TMEM120B: variants seen among roughly 807,000 people sequenced by gnomAD.
The protein encoded by TMEM120B is transmembrane protein 120B.
A neutral mutation model predicts 55.5 loss-of-function variants in TMEM120B; 31 were observed. The ratio of observed to expected loss-of-function variants is 0.56; its 90% CI spans 0.42 to 0.75. The LOEUF (loss-of-function observed/expected upper bound fraction) is 0.75, where lower values mean the gene tolerates loss of function less well. Ranked by LOEUF, TMEM120B falls within the 30% of genes least tolerant of loss-of-function variation. TMEM120B has a pLI of 0.00. For missense variants in TMEM120B, 399 were observed against 425.5 expected, an observed-to-expected ratio of 0.94 and a Z score of 0.55; for synonymous variants, 203 against 176.3, an observed-to-expected ratio of 1.15 and a Z score of -1.20.
intron 1 of TMEM120B, among the ~76,000 whole-genome samples, chr12:121,718,503 C>G (rs1276428089): frequency 6.6e-6 from 1 of 152,050 alleles, no homozygotes; most frequent in Non-Finnish European, 1.5e-5. Flanking sequence ...GAGATCCTGT[C>G]TCAAAAATAA....
chr12:121,724,238 T>G (rs111590682), intron 1 of TMEM120B, among the ~76,000 whole-genome samples: 1 of 151,892 alleles, frequency 6.6e-6, no homozygotes, highest in South Asian at 2.1e-4. Flanking sequence ...GGTTTCACTA[T>G]GTTGGCCAGA....
At chr12:121,732,467 A>C (rs960462485) in intron 1 of TMEM120B, among the ~76,000 whole-genome samples, 1 of 152,150 alleles carries the variant, frequency 6.6e-6, no homozygotes, top group Non-Finnish European at 1.5e-5. Flanking sequence ...GGGGAGCAGG[A>C]ATGACCTCGT....
chr12:121,774,658 A>G lies in TMEM120B; in HGVS notation c.773A>G (p.Glu258Gly). 1 of 1,613,734 alleles carries G rather than the reference A, an allele frequency of 6.2e-7. No individual in the cohort carries two copies. The highest frequency in any genetic ancestry group is 8.5e-7 in the Non-Finnish European group (1 of 1,179,808). ...GERNHLDLTVEGFQSWMWRGL... is the reference protein window; with the variant it reads ...GERNHLDLTVGGFQSWMWRGL... ...CCTTTTTCTTCCCTCCTCTCCACAG[A>G]AGGGTTCCAGTCCTGGATGTGGCGG... Residue 258 changes from glutamate (E) to glycine (G), a missense_variant and splice_region_variant, in exon 10 of 12, where the codon GAA (glutamate) becomes GGA (glycine). By Grantham distance (98) the Glu-to-Gly change is moderately conservative (BLOSUM62 -2). This residue lies in a region of TMEM120B where 260 missense variants were observed against 303.9 expected (regional missense o/e 0.86). Coordinates refer to ENST00000449592, the MANE Select transcript of TMEM120B (RefSeq NM_001080825.2).
At position 121,727,755 on chromosome 12, in the gene TMEM120B, T is replaced by C. The variant is rs377356881; in HGVS notation, c.69+14791T>C. ...CAGGCGTGGTGGCAGGCGCCAGTAG[T>C]CCCAGCTACTCGGGAGGCTGAGGCA... On this transcript the variant is annotated intron_variant, in intron 1 of 11. Transcript: ENST00000449592. Among the ~76,000 whole-genome samples, 314 of 150,272 alleles carry C rather than the reference T, an allele frequency of 2.1e-3. 2 individuals are homozygous for C. Among genetic ancestry groups the C allele is most frequent in the East Asian group, 0.017 (84 of 4,970 alleles).
chr12:121,713,065 A>G, intron 1 of TMEM120B, 101 bp downstream of exon 1: 1 of 1,005,758 alleles, frequency 9.9e-7, no homozygotes, highest in Non-Finnish European at 1.4e-6. Flanking sequence ...GTCAGGGCCT[A>G]GGGAGTGCCC....
Position 121,775,248 on chromosome 12 carries a change from G to A in TMEM120B, c.906+118G>A, listed in dbSNP as rs769187737. On this transcript the variant is annotated intron_variant, in intron 11 of 11. Transcript: ENST00000449592. The surrounding 1 kb of genome is among the most constrained non-coding windows in gnomAD (Gnocchi z 4.3). ...CCTGGGGAGGGCTGGGATGGCAGAT[G>A]TGGGGGTGGGGTGTGTGCGTGTGTG... 8 of 1,099,022 alleles carry A rather than the reference G, an allele frequency of 7.3e-6. No individual in the cohort carries two copies. The highest frequency in any genetic ancestry group is 6.4e-5 in the Admixed American group (3 of 46,856). 68.1% of individuals were successfully genotyped at this position (1,099,022 alleles called of 1,614,324 possible).
At chr12:121,738,545 C>T (rs1182644585) in intron 1 of TMEM120B, among the ~76,000 whole-genome samples, 1 of 152,114 alleles carries the variant, frequency 6.6e-6, no homozygotes, top group Non-Finnish European at 1.5e-5. Flanking sequence ...CTCTGTCCTC[C>T]TTGTCTGGGT....
intron 7 of TMEM120B, among the ~76,000 whole-genome samples, chr12:121,771,217 G>T (rs1057156568): frequency 4.6e-5 from 7 of 152,196 alleles, no homozygotes; most frequent in Non-Finnish European, 1.0e-4. Flanking sequence ...AGGCTGGAGG[G>T]AGCGAGTGAG....
chr12:121,752,241 G>C lies in TMEM120B; in HGVS notation c.461+18G>C, dbSNP rs748408640. The stretch of plus-strand genomic sequence containing the variant: ...CACTACAGGTAGTGGGTGTGGCCGT[G>C]TGTGCCTGGGCCTGGGCATGCAGAC... On this transcript the variant is annotated intron_variant, in intron 5 of 11. Coordinates refer to ENST00000449592, the MANE Select transcript of TMEM120B (RefSeq NM_001080825.2). 6.2e-7 allele frequency: 1 copy of C among 1,609,892 alleles called. No individual in the cohort carries two copies. The highest frequency in any genetic ancestry group is 1.1e-5 in the South Asian group (1 of 90,992).
intron 5 of TMEM120B, among the ~76,000 whole-genome samples, chr12:121,761,206 T>C (rs2137286969): frequency 6.6e-6 from 1 of 152,298 alleles, no homozygotes; most frequent in South Asian, 2.1e-4. Flanking sequence ...CTCGAACTCC[T>C]GGCCTCAAGT....
chr12:121,781,254 G>T lies in TMEM120B; in HGVS notation c.*5532G>T. Reference sequence around the variant, plus strand: ...CCTCCCTGTCTGGACTCTGACGGGTGAAGGGGAAGGGGCCAGGCAAGTGAC... The same window carrying T: ...CCTCCCTGTCTGGACTCTGACGGGTTAAGGGGAAGGGGCCAGGCAAGTGAC... On this transcript the variant is annotated 3_prime_UTR_variant, in exon 12 of 12. Transcript: ENST00000449592. 1.4e-6 allele frequency: 2 copies of T among 1,457,164 alleles called. No homozygotes were observed. The highest frequency in any genetic ancestry group is 1.9e-6 in the Non-Finnish European group (2 of 1,044,720). The allele number at this position is 1,457,164 out of a possible 1,614,324, so 90.3% of individuals were successfully genotyped here. A position where few individuals can be genotyped will look rare whatever the true frequency, so the allele number is the denominator to read the frequency against.
chr12:121,731,398 G>A (rs1719762115), intron 1 of TMEM120B, among the ~76,000 whole-genome samples: 1 of 152,052 alleles, frequency 6.6e-6, no homozygotes, highest in African/African-American at 2.4e-5. Flanking sequence ...ATTACAGGCG[G>A]GTGCCACCAT....
At chr12:121,740,945 G>A (rs1872916941) in intron 1 of TMEM120B, among the ~76,000 whole-genome samples, 1 of 152,102 alleles carries the variant, frequency 6.6e-6, no homozygotes, top group South Asian at 2.1e-4. Flanking sequence ...ACAACTACTT[G>A]TTTTGCTGTT....
intron 6 of TMEM120B, among the ~76,000 whole-genome samples, chr12:121,769,162 C>CA (rs10590198): frequency 1.7e-3 from 233 of 138,648 alleles, no homozygotes; most frequent in Non-Finnish European, 2.1e-3. Context: ...AAAAAAAAGG[C>CA]AAAAAAAAAA....
intron 1 of TMEM120B, among the ~76,000 whole-genome samples, chr12:121,715,783 A>G (rs1433437627): frequency 1.3e-5 from 2 of 152,010 alleles, no homozygotes; most frequent in African/African-American, 4.8e-5. Flanking sequence ...AAGCTTGGGC[A>G]TGCTGATTCC....
chr12:121,716,711 C>T (rs12814006), intron 1 of TMEM120B, among the ~76,000 whole-genome samples: 63,389 of 151,394 alleles, frequency 0.42, 15,358 homozygotes, highest in Middle Eastern at 0.63. Context: ...TACAGGCACC[C>T]GCCACCGTGC....
At chr12:121,748,816 CTG>C (rs1270106434) in intron 3 of TMEM120B, among the ~76,000 whole-genome samples, 2 of 152,220 alleles carry the variant, frequency 1.3e-5, no homozygotes, top group African/African-American at 2.4e-5. Flanking sequence ...CCTCAACAAT[CTG>C]TGCGTCAGAC....
At chr12:121,736,208 T>C (rs1895108453) in intron 1 of TMEM120B, among the ~76,000 whole-genome samples, 1 of 152,004 alleles carries the variant, frequency 6.6e-6, no homozygotes, top group South Asian at 2.1e-4. Flanking sequence ...CGTGTCTCGC[T>C]CTGTGGCCCA....
chr12:121,755,968 G>A (rs929554929), intron 5 of TMEM120B, among the ~76,000 whole-genome samples: 2 of 152,058 alleles, frequency 1.3e-5, no homozygotes, highest in Non-Finnish European at 2.9e-5. Context: ...GGCGGGTTCT[G>A]GTAGTTGGAA....
Sources: allele counts gnomAD v4.1 joint callset (sites outside exome capture counted in the v4.1 genomes callset), GRCh38; gene constraint gnomAD v4.1.1; regional missense constraint gnomAD v4.1.1; non-coding constraint Gnocchi (gnomAD v3.1); transcripts MANE v1.5; gene names NCBI Gene and HGNC (gene_info 2026-07-23, HGNC 2026-07-21).